ZFP82: variants seen among roughly 807,000 people sequenced by gnomAD.
ZFP82 encodes the protein ZFP82 zinc finger protein, also known as zinc finger protein 82 homolog.
In ZFP82, 30 loss-of-function variants were observed where a neutral mutation model predicts 54.0. The ratio of observed to expected loss-of-function variants is 0.56; its 90% CI spans 0.42 to 0.75. ZFP82 has a LOEUF of 0.75. Ranked by LOEUF, ZFP82 falls within the 30% of genes least tolerant of loss-of-function variation. The pLI, the probability that ZFP82 is intolerant of heterozygous loss-of-function variation, is 0.00. For synonymous variants in ZFP82, 194 were observed against 209.5 expected (o/e 0.93, Z 0.64); for missense variants, 500 against 636.8 (o/e 0.79, Z 2.31).
intron 4 of ZFP82, among the ~76,000 whole-genome samples, chr19:36,396,527 G>T (rs374923620): frequency 2.0e-5 from 3 of 152,158 alleles, no homozygotes; most frequent in South Asian, 4.2e-4. Context: ...GGGGTGTCAG[G>T]CACCTGTAGT....
chr19:36,416,901 G>A (rs1302065197), intron 1 of ZFP82, among the ~76,000 whole-genome samples: 3 of 149,074 alleles, frequency 2.0e-5, no homozygotes, highest in Non-Finnish European at 4.5e-5. Flanking sequence ...GGTAAAACCC[G>A]GTCTGTACTA....
intron 4 of ZFP82, among the ~76,000 whole-genome samples, chr19:36,403,061 T>C (rs553878083): frequency 6.6e-6 from 1 of 151,790 alleles, no homozygotes; most frequent in African/African-American, 2.4e-5. Context: ...GAGAATGGCA[T>C]GAACCTGGGA....
rs1337908827 is a variant in ZFP82 at position 36,396,773 on chromosome 19, C to T, written c.230-2663G>A. Among the ~76,000 whole-genome samples, 5 of 150,720 alleles carry T rather than the reference C, an allele frequency of 3.3e-5. No individual in the cohort carries two copies. In the East Asian group the frequency reaches 9.7e-4, roughly 29 times the overall value. On this transcript the variant is annotated intron_variant, in intron 4 of 4. Transcript: ENST00000392161. Reference sequence around the variant, plus strand: ...GGAGAAGTGCTTGAGCCCAGGAGGTCAAGGCTGCAGTGAGCTCTGTCTATG... The same window carrying T: ...GGAGAAGTGCTTGAGCCCAGGAGGTTAAGGCTGCAGTGAGCTCTGTCTATG...
At chr19:36,405,275 A>C (rs1044557224) in intron 4 of ZFP82, among the ~76,000 whole-genome samples, 2 of 152,024 alleles carry the variant, frequency 1.3e-5, no homozygotes, top group African/African-American at 4.8e-5. Flanking sequence ...AGAGAGCACC[A>C]CCTTACCCCT....
chr19:36,397,093 T>C (rs1400307636), intron 4 of ZFP82, among the ~76,000 whole-genome samples: 3 of 18,194 alleles, frequency 1.6e-4, no homozygotes, highest in African/African-American at 7.2e-4. Flanking sequence ...ATAAACCAAT[T>C]TTTTTTTTTT....
chr19:36,386,429 G>C (rs1378498463), downstream of ZFP82, among the ~76,000 whole-genome samples: 1 of 152,224 alleles, frequency 6.6e-6, no homozygotes, highest in Non-Finnish European at 1.5e-5. Context: ...AACCACTGCA[G>C]AGAGTCCCCA....
chr19:36,387,680 C>T (rs147129498), downstream of ZFP82, among the ~76,000 whole-genome samples: 271 of 152,314 alleles, frequency 1.8e-3, 2 homozygotes, highest in African/African-American at 6.2e-3. Context: ...TGCAATGGTG[C>T]AATCTCAGCT....
In ZFP82 at chr19:36,393,393, C is replaced by T. The variant is rs1282520883; in HGVS notation, c.947G>A (p.Gly316Glu). Residue 316 changes from glycine (G) to glutamate (E), a missense_variant, in exon 5 of 5, where the codon GGG (glycine) becomes GAG (glutamate). Coordinates refer to ENST00000392161, the MANE Select transcript of ZFP82 (RefSeq NM_133466.4). ...ADRLYECKEC[G>E]KAFLCGSGLR... Reference sequence around the variant, plus strand: ...ACCAGAGCCACACAAAAAGGCCTTCCCACATTCTTTGCATTCATAGAGCCT... The same window carrying T: ...ACCAGAGCCACACAAAAAGGCCTTCTCACATTCTTTGCATTCATAGAGCCT... 1 of 1,614,032 alleles carries T rather than the reference C, an allele frequency of 6.2e-7. No homozygotes were observed. Among genetic ancestry groups the T allele is most frequent in the South Asian group, 1.1e-5 (1 of 91,066 alleles).
downstream of ZFP82, among the ~76,000 whole-genome samples, chr19:36,385,109 G>C (rs927754300): frequency 1.3e-5 from 2 of 152,184 alleles, no homozygotes; most frequent in Non-Finnish European, 2.9e-5. Flanking sequence ...CTGTTAAGAG[G>C]TGATTAGGCC....
chr19:36,395,647 A>C (rs1461742003), intron 4 of ZFP82: 2 of 152,148 alleles, frequency 1.3e-5, no homozygotes, highest in Admixed American at 6.5e-5. Context: ...TGTGTATGAG[A>C]GAGAAACAGG....
chr19:36,413,317 A>C (rs2032610748), intron 1 of ZFP82, among the ~76,000 whole-genome samples: 1 of 152,176 alleles, frequency 6.6e-6, no homozygotes, highest in Non-Finnish European at 1.5e-5. Context: ...AGGCTGAGGC[A>C]GGAGAATCAC....
At chr19:36,403,136 C>T (rs1025479168) in intron 4 of ZFP82, among the ~76,000 whole-genome samples, 3 of 151,442 alleles carry the variant, frequency 2.0e-5, no homozygotes, top group Admixed American at 6.6e-5. Context: ...AGCAAGACTC[C>T]GTCTCAAAAC....
chr19:36,414,799 G>A (rs919246500), intron 1 of ZFP82, among the ~76,000 whole-genome samples: 1 of 150,592 alleles, frequency 6.6e-6, no homozygotes, highest in Admixed American at 6.7e-5. Context: ...CAAGAATTTT[G>A]CTTTGATAAG....
At chr19:36,385,511 G>C (rs1288578459), downstream of ZFP82, among the ~76,000 whole-genome samples, 1 of 152,228 alleles carries the variant, frequency 6.6e-6, no homozygotes, top group Non-Finnish European at 1.5e-5. Context: ...AGCTGAAAAA[G>C]TTTTGAACTG....
chr19:36,405,186 GAAAAAAAAAAAA>G (rs35735133), intron 4 of ZFP82, among the ~76,000 whole-genome samples: 26 of 88,522 alleles, frequency 2.9e-4, no homozygotes, highest in Non-Finnish European at 4.9e-4. Flanking sequence ...CTGCATCTCA[GAAAAAAAAAAAA>G]AAAAAAAAAT....
intron 1 of ZFP82, 67 bp downstream of exon 1, chr19:36,418,425 G>A (rs2032710217): frequency 6.6e-6 from 1 of 152,528 alleles, no homozygotes; most frequent in Non-Finnish European, 1.5e-5. Flanking sequence ...TCACGCCCAC[G>A]ACACACACAC....
chr19:36,398,236 G>A (rs1247143863), intron 4 of ZFP82, among the ~76,000 whole-genome samples: 2 of 152,074 alleles, frequency 1.3e-5, no homozygotes, highest in African/African-American at 4.8e-5. Flanking sequence ...CCCAAGGGGT[G>A]TTTATTACAA....
chr19:36,406,799 C>A (rs2032489209), intron 3 of ZFP82, among the ~76,000 whole-genome samples: 1 of 152,108 alleles, frequency 6.6e-6, no homozygotes, highest in African/African-American at 2.4e-5. Flanking sequence ...TCCAAATACT[C>A]ACTAATAATT....
downstream of ZFP82, among the ~76,000 whole-genome samples, chr19:36,388,546 T>C (rs1208074334): frequency 1.3e-5 from 2 of 152,112 alleles, no homozygotes; most frequent in Non-Finnish European, 2.9e-5. Flanking sequence ...TATATGTATA[T>C]AGTAATACTG....
Sources: allele counts gnomAD v4.1 joint callset (sites outside exome capture counted in the v4.1 genomes callset), GRCh38; gene constraint gnomAD v4.1.1; transcripts MANE v1.5; gene names NCBI Gene and HGNC (gene_info 2026-07-23, HGNC 2026-07-21).